RNF111: variants seen among roughly 807,000 people sequenced by gnomAD.
RNF111 encodes the protein ring finger protein 111.
Under a neutral mutation model 95.1 loss-of-function variants are expected in RNF111, and 17 were observed. The ratio of observed to expected loss-of-function variants is 0.18; its 90% CI spans 0.12 to 0.27. RNF111 has a LOEUF of 0.27. Among genes scored for constraint, RNF111 ranks in the 10% least tolerant of loss-of-function variants. The pLI, the probability that RNF111 is intolerant of heterozygous loss-of-function variation, is 1.00. For synonymous variants in RNF111, 440 were observed against 414.8 expected, an observed-to-expected ratio of 1.06 and a Z score of -0.74; for missense variants, 1,189 against 1,210.4, an observed-to-expected ratio of 0.98 and a Z score of 0.26.
intron 11 of RNF111, among the ~76,000 whole-genome samples, chr15:59,090,532 C>T (rs1409852516): frequency 6.6e-6 from 1 of 152,074 alleles, no homozygotes; most frequent in Non-Finnish European, 1.5e-5. Flanking sequence ...ACCCGGCCCC[C>T]GTTGTGTTTT....
chr15:59,023,757 G>A (rs752000047), intron 1 of RNF111, among the ~76,000 whole-genome samples: 1 of 152,184 alleles, frequency 6.6e-6, no homozygotes, highest in Non-Finnish European at 1.5e-5. Flanking sequence ...TAATGAGAAT[G>A]CCTATAGTGT....
intron 7 of RNF111, among the ~76,000 whole-genome samples, chr15:59,079,058 A>T (rs1263830821): frequency 6.6e-6 from 1 of 152,214 alleles, no homozygotes; most frequent in East Asian, 1.9e-4. Context: ...GGGAACACAA[A>T]TAGAGGAAGG....
intron 10 of RNF111, 134 bp downstream of exon 10, chr15:59,085,919 G>T: frequency 1.3e-6 from 1 of 792,964 alleles, no homozygotes; most frequent in Non-Finnish European, 1.9e-6. Flanking sequence ...CTAAAATTGT[G>T]CTATAAAAAG....
chr15:59,032,447 C>T (rs2040958324), intron 2 of RNF111, among the ~76,000 whole-genome samples: 1 of 151,992 alleles, frequency 6.6e-6, no homozygotes, highest in African/African-American at 2.4e-5. Context: ...TTTGAGGCAG[C>T]ATCTGGCTTT....
intron 1 of RNF111, among the ~76,000 whole-genome samples, chr15:59,019,105 A>ATTTTTT (rs35154303): frequency 3.3e-5 from 4 of 121,262 alleles, no homozygotes; most frequent in Admixed American, 8.1e-5. Flanking sequence ...GTATTTTTGT[A>ATTTTTT]TTTTTTTTTT....
At chr15:58,991,404 C>T (rs371484508) in intron 1 of RNF111, among the ~76,000 whole-genome samples, 2 of 152,286 alleles carry the variant, frequency 1.3e-5, no homozygotes, top group South Asian at 4.1e-4. Context: ...GTTCTAGGCA[C>T]AGTCACTGGT....
intron 1 of RNF111, among the ~76,000 whole-genome samples, chr15:59,012,079 T>C (rs1270008805): frequency 7.6e-6 from 1 of 130,816 alleles, no homozygotes; most frequent in African/African-American, 2.8e-5. Flanking sequence ...CAGTGAGTGG[T>C]GCGATCTTGC....
At chr15:59,067,573 C>T (rs1483072049) in intron 6 of RNF111, among the ~76,000 whole-genome samples, 2 of 152,094 alleles carry the variant, frequency 1.3e-5, no homozygotes, top group Admixed American at 6.6e-5. Context: ...TTAATTAAGT[C>T]TCTGGGATTT....
intron 1 of RNF111, among the ~76,000 whole-genome samples, chr15:59,001,595 C>A (rs1342283049): frequency 6.6e-6 from 1 of 152,130 alleles, no homozygotes; most frequent in Non-Finnish European, 1.5e-5. Flanking sequence ...GAAATGGGCT[C>A]TCCACATTTG....
intron 2 of RNF111, among the ~76,000 whole-genome samples, chr15:59,042,125 A>T (rs1171114019): frequency 1.3e-5 from 2 of 150,874 alleles, no homozygotes; most frequent in East Asian, 1.9e-4. Context: ...TTTATGCCAA[A>T]TTTTTTTTTC....
intron 5 of RNF111, among the ~76,000 whole-genome samples, chr15:59,065,981 C>T (rs1385689044): frequency 6.6e-6 from 1 of 151,954 alleles, no homozygotes; most frequent in Non-Finnish European, 1.5e-5. Flanking sequence ...TGAGACTTCA[C>T]CAGATACACT....
intron 6 of RNF111, among the ~76,000 whole-genome samples, chr15:59,071,315 AAAG>A (rs1566931389): frequency 6.6e-6 from 1 of 150,970 alleles, no homozygotes; most frequent in Non-Finnish European, 1.5e-5. Flanking sequence ...AAAAAAAAAA[AAAG>A]AATACGAAGA....
At chr15:59,012,013 T>TTTTTTTTTTG (rs2039844408) in intron 1 of RNF111, among the ~76,000 whole-genome samples, 1 of 110,202 alleles carries the variant, frequency 9.1e-6, no homozygotes, top group African/African-American at 4.3e-5. Flanking sequence ...CTTTTTTTTT[T>TTTTTTTTTTG]TTTTTTTTTT....
intron 1 of RNF111, among the ~76,000 whole-genome samples, chr15:59,025,271 A>G (rs144870511): frequency 1.3e-3 from 202 of 152,348 alleles, no homozygotes; most frequent in African/African-American, 4.5e-3. Flanking sequence ...AAGTTTATCA[A>G]GGGTCCCACT....
chr15:59,018,316 A>G (rs1317411893), intron 1 of RNF111, among the ~76,000 whole-genome samples: 1 of 152,112 alleles, frequency 6.6e-6, no homozygotes, highest in Admixed American at 6.6e-5. Flanking sequence ...TTTCTGCCCT[A>G]TTCTGTCATT....
At chr15:59,007,890 ATG>A (rs1160094950) in intron 1 of RNF111, among the ~76,000 whole-genome samples, 4 of 152,212 alleles carry the variant, frequency 2.6e-5, no homozygotes, top group Non-Finnish European at 5.9e-5. Context: ...AGTTACGTAT[ATG>A]TGTTTGTATA....
intron 6 of RNF111, among the ~76,000 whole-genome samples, chr15:59,071,934 A>T (rs570281681): frequency 6.6e-6 from 1 of 152,232 alleles, no homozygotes; most frequent in Non-Finnish European, 1.5e-5. Context: ...ATAAAATTTA[A>T]TATTTACACT....
intron 8 of RNF111, among the ~76,000 whole-genome samples, chr15:59,083,321 G>A (rs2078801828): frequency 6.6e-6 from 1 of 152,084 alleles, no homozygotes; most frequent in Non-Finnish European, 1.5e-5. Flanking sequence ...GCCAAGGTGG[G>A]CAGATCACAA....
At chr15:59,033,563 G>A (rs1315998858) in intron 2 of RNF111, among the ~76,000 whole-genome samples, 2 of 152,174 alleles carry the variant, frequency 1.3e-5, no homozygotes, top group Non-Finnish European at 2.9e-5. Context: ...AGTTTTGGGA[G>A]TGAGTACAGC....
Sources: gnomAD v4.1 joint callset for allele counts (sites outside exome capture counted in the v4.1 genomes callset) on GRCh38, gnomAD v4.1.1 for gene constraint, MANE v1.5 for transcripts, NCBI Gene and HGNC (gene_info 2026-07-23, HGNC 2026-07-21) for gene names.